The following RAB38 variants were observed in gnomAD, a reference collection of about 807,000 sequenced individuals.
RAB38 encodes the protein RAB38, member RAS oncogene family.
In RAB38, 15 loss-of-function variants were observed where a neutral mutation model predicts 18.4. The ratio of observed to expected loss-of-function variants is 0.82; its 90% CI spans 0.55 to 1.26. The LOEUF is 1.26. RAB38 is among the 50% of genes most tolerant of loss of function. RAB38 has a pLI of 0.00. For synonymous variants in RAB38, 101 were observed against 104.4 expected (o/e 0.97, Z 0.20); for missense variants, 294 against 267.4 (o/e 1.10, Z -0.69).
chr11:87,890,675 C>A, the RAB38 span, among the ~76,000 whole-genome samples: 1 of 151,948 alleles, frequency 6.6e-6, no homozygotes, highest in Non-Finnish European at 1.5e-5. Context: ...AAACTTCCTG[C>A]CACTCCCTGA....
the RAB38 span, among the ~76,000 whole-genome samples, chr11:88,038,723 C>A: frequency 1.3e-5 from 2 of 152,144 alleles, no homozygotes; most frequent in Middle Eastern, 3.2e-3. Context: ...TATATATCTG[C>A]AAAATCTGTA....
the RAB38 span, among the ~76,000 whole-genome samples, chr11:88,088,369 T>C: frequency 3.3e-5 from 5 of 152,038 alleles, no homozygotes; most frequent in African/African-American, 1.2e-4. Flanking sequence ...ACAGTTTAAC[T>C]CTGGACAGTT....
At chr11:88,110,556 C>T (rs1185227603), downstream of RAB38, among the ~76,000 whole-genome samples, 1 of 152,052 alleles carries the variant, frequency 6.6e-6, no homozygotes, top group Non-Finnish European at 1.5e-5. Context: ...TGGTGGCTCA[C>T]TTCTGTAATC....
chr11:88,031,237 T>A, the RAB38 span, among the ~76,000 whole-genome samples: 1 of 152,104 alleles, frequency 6.6e-6, no homozygotes, highest in African/African-American at 2.4e-5. Flanking sequence ...CTCAAAATAA[T>A]AAGAGCTATC....
At chr11:88,025,187 A>G in the RAB38 span, among the ~76,000 whole-genome samples, 1 of 150,744 alleles carries the variant, frequency 6.6e-6, no homozygotes, top group African/African-American at 2.4e-5. Context: ...TGTGATATAC[A>G]TATGAGATAT....
the RAB38 span, among the ~76,000 whole-genome samples, chr11:87,941,482 A>G: frequency 6.6e-6 from 1 of 151,766 alleles, no homozygotes; most frequent in African/African-American, 2.4e-5. Flanking sequence ...AACATGAAAT[A>G]AGATGGTATG....
At chr11:88,081,749 T>G in the RAB38 span, among the ~76,000 whole-genome samples, 5,071 of 151,926 alleles carry the variant, frequency 0.033, 226 homozygotes, top group South Asian at 0.074. Context: ...GCAAAGACCC[T>G]TTTTCCAATT....
chr11:87,966,051 C>A, the RAB38 span, among the ~76,000 whole-genome samples: 1 of 152,018 alleles, frequency 6.6e-6, no homozygotes, highest in South Asian at 2.1e-4. Flanking sequence ...AAGGTACAGG[C>A]AAAGGACCTC....
At chr11:87,922,187 G>A in the RAB38 span, among the ~76,000 whole-genome samples, 1 of 151,940 alleles carries the variant, frequency 6.6e-6, no homozygotes, top group Non-Finnish European at 1.5e-5. Context: ...TGTCACTTTG[G>A]ATGGTAATTA....
the RAB38 span, among the ~76,000 whole-genome samples, chr11:87,930,982 T>C: frequency 2.6e-5 from 4 of 152,178 alleles, no homozygotes; most frequent in African/African-American, 9.7e-5. Context: ...GTAGCATAGT[T>C]TGAAGTCAGG....
At position 88,175,076 on chromosome 11, in the gene RAB38, C is replaced by G; in HGVS notation, c.202+107G>C. 3.1e-6 allele frequency: 4 copies of G among 1,301,156 alleles called. No individual in the cohort carries two copies. In the South Asian group the frequency reaches 4.6e-5, roughly 15 times the overall value. 80.6% of individuals were successfully genotyped at this position (1,301,156 alleles called of 1,614,324 possible). The stretch of plus-strand genomic sequence containing the variant: ...TCCAGCCCACCAGGAAAAACTGCCT[C>G]GCGACCTAGTGATTTTAATCTCACG... On this transcript the variant is annotated intron_variant, in intron 1 of 2. Coordinates refer to ENST00000243662, the MANE Select transcript of RAB38 (RefSeq NM_022337.3).
chr11:87,846,225 G>A, the RAB38 span, among the ~76,000 whole-genome samples: 58 of 152,000 alleles, frequency 3.8e-4, no homozygotes, highest in African/African-American at 1.3e-3. Context: ...ACAAGAGAAT[G>A]GTAGGTCTAG....
At chr11:87,844,292 A>G in the RAB38 span, among the ~76,000 whole-genome samples, 1 of 152,330 alleles carries the variant, frequency 6.6e-6, no homozygotes, top group Non-Finnish European at 1.5e-5. Flanking sequence ...TTTTTGTTTA[A>G]CCCACGAGAA....
the RAB38 span, among the ~76,000 whole-genome samples, chr11:88,070,850 G>T: frequency 6.6e-6 from 1 of 152,160 alleles, no homozygotes; most frequent in Non-Finnish European, 1.5e-5. Context: ...GAATTACAAA[G>T]AGCGATAAGC....
chr11:88,027,695 T>C, the RAB38 span, among the ~76,000 whole-genome samples: 1 of 152,086 alleles, frequency 6.6e-6, no homozygotes, highest in Non-Finnish European at 1.5e-5. Flanking sequence ...TGCCCAGGCT[T>C]GCTTAGGTAA....
At chr11:88,003,872 A>AG in the RAB38 span, among the ~76,000 whole-genome samples, 675 of 2,868 alleles carry the variant, frequency 0.24, 245 homozygotes, top group East Asian at 0.8. Context: ...ATATAATTAT[A>AG]TATTTATATA....
At chr11:87,827,106 C>T in the RAB38 span, among the ~76,000 whole-genome samples, 1 of 152,084 alleles carries the variant, frequency 6.6e-6, no homozygotes, top group African/African-American at 2.4e-5. Context: ...GGTCGTCAAA[C>T]AGGGACATCC....
At chr11:88,057,784 C>T in the RAB38 span, among the ~76,000 whole-genome samples, 1 of 152,054 alleles carries the variant, frequency 6.6e-6, no homozygotes, top group Non-Finnish European at 1.5e-5. Context: ...GTTATCTGTA[C>T]CTGTGCAGCC....
chr11:87,825,225 A>G, the RAB38 span, among the ~76,000 whole-genome samples: 1 of 152,178 alleles, frequency 6.6e-6, no homozygotes, highest in East Asian at 1.9e-4. Flanking sequence ...GTTATAAAAC[A>G]ATCAGAATAT....
Sources: gnomAD v4.1 joint callset for allele counts (sites outside exome capture counted in the v4.1 genomes callset) on GRCh38, gnomAD v4.1.1 for gene constraint, MANE v1.5 for transcripts, NCBI Gene and HGNC (gene_info 2026-07-23, HGNC 2026-07-21) for gene names.